MTCL3: variants seen among roughly 807,000 people sequenced by gnomAD.
MTCL3 encodes the protein microtubule cross-linking factor 3.
At chr6:127,516,044 G>A in the MTCL3 span, 22 of 1,554,856 alleles carry the variant, frequency 1.4e-5, no homozygotes, top group Non-Finnish European at 1.9e-5. Flanking sequence ...CTGGGCGGCG[G>A]CGGCTGCGGA....
chr6:127,478,844 C>T, the MTCL3 span, among the ~76,000 whole-genome samples: 1 of 151,780 alleles, frequency 6.6e-6, no homozygotes, highest in South Asian at 2.1e-4. Flanking sequence ...GGGTGAAACC[C>T]CATCTCTATT....
chr6:127,497,104 CATT>C, the MTCL3 span, among the ~76,000 whole-genome samples: 3 of 152,202 alleles, frequency 2.0e-5, no homozygotes, highest in African/African-American at 7.2e-5. Flanking sequence ...GATTTATAGT[CATT>C]GTTGCACAAC....
chr6:127,483,363 T>A, the MTCL3 span, among the ~76,000 whole-genome samples: 1 of 152,222 alleles, frequency 6.6e-6, no homozygotes, highest in South Asian at 2.1e-4. Flanking sequence ...TTTCCAATGT[T>A]GGGAGTTAGG....
the MTCL3 span, chr6:127,513,138 C>A: frequency 8.3e-7 from 1 of 1,203,562 alleles, no homozygotes; most frequent in Non-Finnish European, 1.1e-6. Context: ...CATTAAAACC[C>A]AATATTTATA....
chr6:127,481,403 A>G, the MTCL3 span: 1 of 985,268 alleles, frequency 1.0e-6, no homozygotes, highest in Admixed American at 6.2e-5. Flanking sequence ...ACAAAAAATG[A>G]TATCATGGTC....
the MTCL3 span, among the ~76,000 whole-genome samples, chr6:127,501,532 G>C: frequency 6.6e-6 from 1 of 152,162 alleles, no homozygotes; most frequent in Non-Finnish European, 1.5e-5. Context: ...GTAAGAAACT[G>C]TTACTTTGTG....
At chr6:127,500,387 T>C in the MTCL3 span, among the ~76,000 whole-genome samples, 1 of 152,296 alleles carries the variant, frequency 6.6e-6, no homozygotes, top group South Asian at 2.1e-4. Flanking sequence ...TCAGAAAATA[T>C]TTATAAGCTT....
the MTCL3 span, among the ~76,000 whole-genome samples, chr6:127,487,103 C>T: frequency 1.3e-5 from 2 of 152,256 alleles, no homozygotes; most frequent in Non-Finnish European, 2.9e-5. Context: ...TGACAACAGA[C>T]TTATTGACAC....
the MTCL3 span, chr6:127,513,190 A>C: frequency 2.7e-6 from 2 of 744,682 alleles, no homozygotes; most frequent in Non-Finnish European, 4.2e-6. Context: ...CAAAGTATAC[A>C]TATAAGCCAT....
the MTCL3 span, chr6:127,516,702 G>A: frequency 6.7e-7 from 1 of 1,503,138 alleles, no homozygotes; most frequent in Non-Finnish European, 8.9e-7. Context: ...TCCTTCCTAA[G>A]CTGGGACAGA....
the MTCL3 span, chr6:127,515,055 G>A: frequency 4.3e-6 from 7 of 1,612,342 alleles, no homozygotes; most frequent in African/African-American, 1.3e-5. The surrounding 1 kb of genome is among the most constrained non-coding windows in gnomAD (Gnocchi z 4.3). Flanking sequence ...GTTCTGAGGC[G>A]GTGACAGGCC....
chr6:127,495,244 A>G, the MTCL3 span, among the ~76,000 whole-genome samples: 49 of 152,272 alleles, frequency 3.2e-4, no homozygotes, highest in Middle Eastern at 6.8e-3. Context: ...CAGTAAAGAT[A>G]TGTTTATTAA....
At chr6:127,475,824 C>A in the MTCL3 span, 1 of 1,613,238 alleles carries the variant, frequency 6.2e-7, no homozygotes, top group Non-Finnish European at 8.5e-7. This position sits in a 1 kb window ranked among gnomAD's most constrained non-coding sequence, Gnocchi z 7.3. Context: ...GGTCGTAGCG[C>A]TGCATGTTGG....
the MTCL3 span, among the ~76,000 whole-genome samples, chr6:127,495,872 G>A: frequency 6.6e-6 from 1 of 152,122 alleles, no homozygotes; most frequent in East Asian, 1.9e-4. Flanking sequence ...TGAAACACTT[G>A]AAGAACGGGT....
At chr6:127,497,663 G>C in the MTCL3 span, among the ~76,000 whole-genome samples, 1 of 152,188 alleles carries the variant, frequency 6.6e-6, no homozygotes, top group South Asian at 2.1e-4. Flanking sequence ...TTGGCTCTGA[G>C]AAGGGGCAAC....
chr6:127,489,186 T>C, the MTCL3 span, among the ~76,000 whole-genome samples: 1 of 152,226 alleles, frequency 6.6e-6, no homozygotes, highest in Non-Finnish European at 1.5e-5. Flanking sequence ...GAATGATCTT[T>C]GATGTTACTC....
chr6:127,499,898 G>A, the MTCL3 span, among the ~76,000 whole-genome samples: 6 of 152,226 alleles, frequency 3.9e-5, no homozygotes, highest in Middle Eastern at 6.8e-3. Context: ...ACATTTTTAG[G>A]CAGTAGCTAA....
At chr6:127,482,771 C>T in the MTCL3 span, 1 of 558,840 alleles carries the variant, frequency 1.8e-6, no homozygotes, top group Non-Finnish European at 3.1e-6. This position sits in a 1 kb window ranked among gnomAD's most constrained non-coding sequence, Gnocchi z 4.1. Context: ...CTACCTGTAT[C>T]TACAGCTACA....
At chr6:127,516,646 A>G in the MTCL3 span, 1 of 1,582,792 alleles carries the variant, frequency 6.3e-7, no homozygotes, top group African/African-American at 1.3e-5. Flanking sequence ...GATTTGGAAG[A>G]GCCCATTACT....
Sources: allele counts gnomAD v4.1 joint callset (sites outside exome capture counted in the v4.1 genomes callset), GRCh38; gene constraint gnomAD v4.1.1; non-coding constraint Gnocchi (gnomAD v3.1); transcripts MANE v1.5; gene names NCBI Gene and HGNC (gene_info 2026-07-23, HGNC 2026-07-21).